Variants in SUPT3H observed in about 807,000 individuals in gnomAD.
The protein encoded by SUPT3H is SPT3 homolog, SAGA and STAGA complex component.
In SUPT3H, 44 loss-of-function variants were observed where a neutral mutation model predicts 44.3. The observed-to-expected ratio is 0.99, with a 90% CI of 0.78 to 1.28. The LOEUF is 1.28. SUPT3H is among the 50% of genes most tolerant of loss of function. SUPT3H has a pLI of 0.00. For missense variants in SUPT3H, 380 were observed against 387.1 expected, an observed-to-expected ratio of 0.98 and a Z score of 0.15; for synonymous variants, 124 against 125.6, an observed-to-expected ratio of 0.99 and a Z score of 0.09.
intron 2 of SUPT3H, among the ~76,000 whole-genome samples, chr6:45,237,180 T>C (rs955346319): frequency 1.3e-5 from 2 of 152,210 alleles, no homozygotes; most frequent in African/African-American, 2.4e-5. Flanking sequence ...ATCAATGTCC[T>C]ACCCGTGAAA....
At chr6:44,954,704 T>C in intron 7 of SUPT3H, 97 bp from the exon 8 acceptor site, 1 of 703,152 alleles carries the variant, frequency 1.4e-6, no homozygotes, top group South Asian at 1.8e-5. Context: ...ATACTCAGAA[T>C]TGTACACAAA....
chr6:45,351,483 A>G (rs933989447), intron 2 of SUPT3H, among the ~76,000 whole-genome samples: 14 of 152,180 alleles, frequency 9.2e-5, no homozygotes, highest in Admixed American at 7.2e-4. Context: ...AAAGAGTATT[A>G]TAAGTTACCA....
Position 45,332,542 on chromosome 6 carries a change from T to A in SUPT3H, c.101+32659A>T, listed in dbSNP as rs113847277. On this transcript the variant is annotated intron_variant, in intron 2 of 10. Coordinates refer to ENST00000371459, the MANE Select transcript of SUPT3H (RefSeq NM_003599.4). ...CCAATCTTCCATACTGTTCTAACCT[T>A]TGTTCTAGGATACTAAGATATGACA... is the stretch of plus-strand genomic sequence containing the variant. 9.1e-3 allele frequency among the ~76,000 whole-genome samples: 1,376 copies of A among 151,924 alleles called. 14 individuals are homozygous for A. The highest frequency in any genetic ancestry group is 0.028 in the South Asian group (137 of 4,828).
At chr6:45,047,633 G>A (rs147424570) in intron 3 of SUPT3H, among the ~76,000 whole-genome samples, 3 of 152,184 alleles carry the variant, frequency 2.0e-5, no homozygotes, top group African/African-American at 7.2e-5. Context: ...ATTCTGATAA[G>A]AATAATCTAT....
At chr6:44,848,564 A>G (rs1772299039) in intron 10 of SUPT3H, among the ~76,000 whole-genome samples, 1 of 152,206 alleles carries the variant, frequency 6.6e-6, no homozygotes, top group South Asian at 2.1e-4. Context: ...TTAGAGTAAT[A>G]GTCTGTGTAC....
chr6:44,830,190 G>C (rs1015267623), intron 10 of SUPT3H, among the ~76,000 whole-genome samples: 3 of 152,066 alleles, frequency 2.0e-5, no homozygotes, highest in Non-Finnish European at 4.4e-5. Flanking sequence ...TTCTCTATTC[G>C]ATATGCTCAG....
chr6:44,815,774 T>C (rs960832479), intron 11 of SUPT3H, among the ~76,000 whole-genome samples: 1 of 151,988 alleles, frequency 6.6e-6, no homozygotes, highest in Non-Finnish European at 1.5e-5. Flanking sequence ...TTGTAAAAAG[T>C]AGAAAATCAG....
chr6:44,903,625 C>T (rs1266404643), intron 10 of SUPT3H, among the ~76,000 whole-genome samples: 4 of 152,290 alleles, frequency 2.6e-5, no homozygotes, highest in Middle Eastern at 3.4e-3. Context: ...GCTACCATTC[C>T]TTCTGAAAGT....
chr6:45,046,809 C>T (rs894608228), intron 3 of SUPT3H, among the ~76,000 whole-genome samples: 3 of 152,138 alleles, frequency 2.0e-5, no homozygotes, highest in Non-Finnish European at 4.4e-5. Flanking sequence ...ATCTGTAGAA[C>T]AATTTGGGGA....
intron 6 of SUPT3H, 98 bp downstream of exon 6, chr6:45,003,555 A>G: frequency 7.1e-7 from 1 of 1,403,316 alleles, no homozygotes. Flanking sequence ...TGACTTAGAG[A>G]TTTCAGACAA....
chr6:44,972,719 T>A (rs1777769327), intron 6 of SUPT3H, among the ~76,000 whole-genome samples: 1 of 152,186 alleles, frequency 6.6e-6, no homozygotes, highest in African/African-American at 2.4e-5. Flanking sequence ...GAAGTCTAGG[T>A]GGAGGTTCCC....
intron 2 of SUPT3H, among the ~76,000 whole-genome samples, chr6:45,329,658 T>C (rs1429712616): frequency 3.3e-5 from 5 of 151,954 alleles, no homozygotes; most frequent in Non-Finnish European, 7.4e-5. Flanking sequence ...TCCATAAGGA[T>C]ACCCTGTATG....
chr6:45,042,189 G>C (rs140670215), intron 3 of SUPT3H, among the ~76,000 whole-genome samples: 1 of 152,108 alleles, frequency 6.6e-6, no homozygotes, highest in East Asian at 1.9e-4. Context: ...TTGGGAGGCC[G>C]AGGCAGGCTG....
intron 10 of SUPT3H, among the ~76,000 whole-genome samples, chr6:44,888,458 A>T (rs1762706139): frequency 6.6e-6 from 1 of 152,228 alleles, no homozygotes; most frequent in Admixed American, 6.5e-5. Flanking sequence ...AGGCTGGTTC[A>T]ACATACGCAA....
rs1229897031 is a variant in SUPT3H at position 45,095,505 on chromosome 6, GTTCT to G, written c.186+10413_186+10416del. On this transcript the variant is annotated intron_variant, in intron 3 of 10. Coordinates refer to ENST00000371459, the MANE Select transcript of SUPT3H (RefSeq NM_003599.4). This position sits in a 1 kb window ranked among gnomAD's most constrained non-coding sequence, Gnocchi z 4.1. ...CATAACTCTTCACACTTATAAATTT[GTTCT>G]TTATTACTTTTCATAATTAAGGAGA... 6.6e-5 allele frequency among the ~76,000 whole-genome samples: 10 copies of G among 152,024 alleles called. No homozygotes were observed. Among genetic ancestry groups the G allele is most frequent in the Non-Finnish European group, 1.0e-4 (7 of 67,970 alleles).
chr6:45,009,459 G>A (rs79984608), intron 5 of SUPT3H, among the ~76,000 whole-genome samples: 2,677 of 152,076 alleles, frequency 0.018, 53 homozygotes, highest in South Asian at 0.086. Context: ...TTGTATTTAG[G>A]TCTATGATCC....
intron 3 of SUPT3H, among the ~76,000 whole-genome samples, chr6:45,055,516 A>T (rs1212961321): frequency 1.3e-5 from 2 of 152,176 alleles, no homozygotes; most frequent in Non-Finnish European, 2.9e-5. Context: ...CCCAGAAATA[A>T]AGCCAAATAC....
intron 2 of SUPT3H, among the ~76,000 whole-genome samples, chr6:45,134,769 T>C (rs1252052531): frequency 6.6e-6 from 1 of 152,200 alleles, no homozygotes. Context: ...TGCATGCTGG[T>C]AGCTCGACAG....
At chr6:45,266,211 T>A (rs1173715110) in intron 2 of SUPT3H, among the ~76,000 whole-genome samples, 1 of 152,018 alleles carries the variant, frequency 6.6e-6, no homozygotes, top group Non-Finnish European at 1.5e-5. Flanking sequence ...AAAATGGATT[T>A]AGCCGTTATT....
Sources: gnomAD v4.1 joint callset for allele counts (sites outside exome capture counted in the v4.1 genomes callset) on GRCh38, gnomAD v4.1.1 for gene constraint, Gnocchi (gnomAD v3.1) non-coding constraint, MANE v1.5 for transcripts, NCBI Gene and HGNC (gene_info 2026-07-23, HGNC 2026-07-21) for gene names.